SLC8A1: variants seen among roughly 807,000 people sequenced by gnomAD.
The protein encoded by SLC8A1 is solute carrier family 8 member A1.
SLC8A1 carries 18 observed loss-of-function variants against 68.3 expected under a neutral mutation model. The observed-to-expected ratio is 0.26, with a 90% CI of 0.18 to 0.39. The LOEUF (loss-of-function observed/expected upper bound fraction) is 0.39. Ranked by LOEUF, SLC8A1 falls within the 10% of genes least tolerant of loss-of-function variation. The pLI, the probability that SLC8A1 is intolerant of heterozygous loss-of-function variation, is 1.00. For missense variants in SLC8A1, 985 were observed against 1,156.7 expected (o/e 0.85, Z 2.15); for synonymous variants, 475 against 415.5 (o/e 1.14, Z -1.74).
chr2:40,138,236 G>A (rs940347939), intron 7 of SLC8A1, among the ~76,000 whole-genome samples: 1 of 152,132 alleles, frequency 6.6e-6, no homozygotes, highest in Non-Finnish European at 1.5e-5. Context: ...AATAACTGGT[G>A]AATTTGAGTA....
chr2:40,413,325 C>A (rs1273737537), intron 2 of SLC8A1, among the ~76,000 whole-genome samples: 1 of 152,032 alleles, frequency 6.6e-6, no homozygotes. Flanking sequence ...CGGCACTATT[C>A]ACAATAGCAA....
At chr2:40,215,437 A>G (rs1310215695) in intron 2 of SLC8A1, among the ~76,000 whole-genome samples, 2 of 151,964 alleles carry the variant, frequency 1.3e-5, no homozygotes, top group African/African-American at 4.8e-5. Flanking sequence ...GGAGATCGAG[A>G]CCATCCTGGC....
chr2:40,310,207 G>T (rs1332433074), intron 2 of SLC8A1, among the ~76,000 whole-genome samples: 1 of 152,206 alleles, frequency 6.6e-6, no homozygotes, highest in Non-Finnish European at 1.5e-5. Flanking sequence ...CCAGATGTAT[G>T]GAGTTGGTGC....
At chr2:40,419,736 A>G (rs1441972833) in intron 2 of SLC8A1, among the ~76,000 whole-genome samples, 1 of 152,164 alleles carries the variant, frequency 6.6e-6, no homozygotes, top group Non-Finnish European at 1.5e-5. Flanking sequence ...GCGCCCTAAG[A>G]ATTAAACCCT....
intron 7 of SLC8A1, among the ~76,000 whole-genome samples, chr2:40,129,643 G>A (rs755937127): frequency 4.6e-5 from 7 of 152,088 alleles, no homozygotes; most frequent in African/African-American, 7.2e-5. Context: ...TGCTACACTC[G>A]ATGCTCATTC....
At chr2:40,364,623 C>T (rs1034738108) in intron 2 of SLC8A1, among the ~76,000 whole-genome samples, 24 of 151,646 alleles carry the variant, frequency 1.6e-4, no homozygotes, top group African/African-American at 5.1e-4. Flanking sequence ...TCCTTTTGTT[C>T]GGCAGATGAG....
At chr2:40,100,241 T>C (rs1208316816) in exon 8 of SLC8A1, 8 of 152,158 alleles carry the variant, frequency 5.3e-5, no homozygotes, top group Admixed American at 3.9e-4. Flanking sequence ...TAACTTTTTT[T>C]CTTAAGCTAA....
rs1473871923 is a variant in SLC8A1 at position 40,485,691 on chromosome 2, A to AG, written c.-25+26657_-25+26658insC. Among the ~76,000 whole-genome samples, 6 of 152,098 alleles carry AG rather than the reference A, an allele frequency of 3.9e-5. No individual in the cohort carries two copies. The East Asian group carries it at 9.7e-4, about 24-fold the overall frequency. On this transcript the variant is annotated intron_variant, in intron 1 of 7. Coordinates refer to the SLC8A1 transcript ENST00000402441. ...CTTAAATATTTTATTCATTGATAAA[A>AG]CTCTTGCCTTCTAGAGTAATTACCA...
chr2:40,123,664 A>G (rs1222635097), intron 7 of SLC8A1, among the ~76,000 whole-genome samples: 2 of 152,232 alleles, frequency 1.3e-5, no homozygotes, highest in African/African-American at 2.4e-5. Flanking sequence ...GTTTTAAGCC[A>G]TGATTCTGTT....
chr2:40,125,102 T>C (rs1210064920), intron 7 of SLC8A1, among the ~76,000 whole-genome samples: 1 of 152,204 alleles, frequency 6.6e-6, no homozygotes, highest in African/African-American at 2.4e-5. Flanking sequence ...TAAAAACTAA[T>C]AAATATAGGT....
chr2:40,234,444 G>T (rs1477090501), intron 2 of SLC8A1, among the ~76,000 whole-genome samples: 1 of 152,110 alleles, frequency 6.6e-6, no homozygotes, highest in South Asian at 2.1e-4. Context: ...TTGGTACATT[G>T]ATTTTGTATC....
At chr2:40,174,302 G>A (rs1053557185) in intron 4 of SLC8A1, among the ~76,000 whole-genome samples, 1 of 152,006 alleles carries the variant, frequency 6.6e-6, no homozygotes, top group South Asian at 2.1e-4. Context: ...GTATTTTTAT[G>A]TATTTTCTCA....
At chr2:40,313,793 T>G (rs1379279173) in intron 2 of SLC8A1, among the ~76,000 whole-genome samples, 1 of 152,146 alleles carries the variant, frequency 6.6e-6, no homozygotes, top group Non-Finnish European at 1.5e-5. Flanking sequence ...TAAATGATGT[T>G]GAGCATATTT....
At chr2:40,193,592 G>A (rs1374857937) in intron 2 of SLC8A1, among the ~76,000 whole-genome samples, 1 of 152,090 alleles carries the variant, frequency 6.6e-6, no homozygotes, top group Non-Finnish European at 1.5e-5. Flanking sequence ...GTTGATGGGA[G>A]GTGAGTCAAG....
chr2:40,503,962 A>G (rs1478945301), intron 1 of SLC8A1, among the ~76,000 whole-genome samples: 2 of 152,020 alleles, frequency 1.3e-5, no homozygotes, highest in Admixed American at 6.6e-5. Context: ...TAGTCCTAAA[A>G]TTTATGTGAG....
chr2:40,266,738 G>C lies in SLC8A1; in HGVS notation c.1809-88883C>G, dbSNP rs553248915. Among the ~76,000 whole-genome samples, 7 of 152,212 alleles carry C rather than the reference G, an allele frequency of 4.6e-5. No homozygotes were observed. The South Asian group carries it at 1.0e-3, about 23-fold the overall frequency. ...TCACTTTCTCTTTATTGGGCTAATG[G>C]TATTGGTTAAACTGTAGGCTGATGA... On this transcript the variant is annotated intron_variant, in intron 2 of 7. Transcript: ENST00000406785.
intron 2 of SLC8A1, among the ~76,000 whole-genome samples, chr2:40,187,919 A>G (rs2050993584): frequency 6.6e-6 from 1 of 152,202 alleles, no homozygotes. Context: ...TATAAAATGT[A>G]TACCTTACCA....
At chr2:40,255,640 T>C (rs1321274628) in intron 2 of SLC8A1, among the ~76,000 whole-genome samples, 1 of 152,190 alleles carries the variant, frequency 6.6e-6, no homozygotes, top group Non-Finnish European at 1.5e-5. Flanking sequence ...AGCTTTAGCA[T>C]CTCATAATTT....
chr2:40,378,045 A>T (rs527687486), intron 2 of SLC8A1, among the ~76,000 whole-genome samples: 129 of 152,150 alleles, frequency 8.5e-4, no homozygotes, highest in Non-Finnish European at 1.6e-3. Flanking sequence ...ATGTATTAAT[A>T]ACCTGCTGTA....
Sources: allele counts gnomAD v4.1 joint callset (sites outside exome capture counted in the v4.1 genomes callset), GRCh38; gene constraint gnomAD v4.1.1; transcripts MANE v1.5; gene names NCBI Gene and HGNC (gene_info 2026-07-23, HGNC 2026-07-21).